TMTC2: variants seen among roughly 807,000 people sequenced by gnomAD.
TMTC2 encodes transmembrane O-mannosyltransferase targeting cadherins 2.
In TMTC2, 43 loss-of-function variants were observed where a neutral mutation model predicts 82.4. That is an observed-to-expected ratio of 0.52 (90% CI 0.41 to 0.67). TMTC2 has a LOEUF of 0.67. Ranked by LOEUF, TMTC2 falls within the 30% of genes least tolerant of loss-of-function variation. TMTC2 has a pLI of 0.00. For synonymous variants in TMTC2, 408 were observed against 381.9 expected (o/e 1.07, Z -0.80); for missense variants, 919 against 1,012.4 (o/e 0.91, Z 1.25).
At chr12:82,887,817 T>C (rs1259006497) in intron 2 of TMTC2, among the ~76,000 whole-genome samples, 1 of 152,212 alleles carries the variant, frequency 6.6e-6, no homozygotes, top group Admixed American at 6.5e-5. Context: ...TGGTGGCTCA[T>C]GCCTGTAGTC....
At chr12:83,061,576 T>C (rs968730550) in intron 10 of TMTC2, among the ~76,000 whole-genome samples, 192 bp from the exon 11 acceptor site, 1 of 151,776 alleles carries the variant, frequency 6.6e-6, no homozygotes, top group African/African-American at 2.4e-5. Context: ...GTTAAGATAC[T>C]ATTTATAATG....
chr12:82,977,347 AAT>A (rs1255675670), intron 7 of TMTC2, among the ~76,000 whole-genome samples: 2 of 151,920 alleles, frequency 1.3e-5, no homozygotes, highest in Non-Finnish European at 1.5e-5. Flanking sequence ...TAGATACTCA[AAT>A]ATTAGATGAA....
At chr12:82,914,983 G>A (rs536243457) in intron 3 of TMTC2, among the ~76,000 whole-genome samples, 21 of 151,828 alleles carry the variant, frequency 1.4e-4, no homozygotes, top group East Asian at 3.9e-4. Flanking sequence ...GCACCACCAC[G>A]CCCGGCTAAT....
intron 3 of TMTC2, among the ~76,000 whole-genome samples, chr12:82,907,409 G>C (rs890857767): frequency 2.0e-5 from 3 of 151,696 alleles, no homozygotes; most frequent in African/African-American, 7.3e-5. Context: ...GTTGCAGTTA[G>C]TTGAGATTGT....
At chr12:82,886,665 A>T (rs887417026) in intron 2 of TMTC2, among the ~76,000 whole-genome samples, 7 of 152,184 alleles carry the variant, frequency 4.6e-5, no homozygotes, top group African/African-American at 1.7e-4. Flanking sequence ...AAAACTCTTT[A>T]ATCTTGTCTG....
At chr12:82,859,968 T>G (rs932642357) in intron 2 of TMTC2, among the ~76,000 whole-genome samples, 3 of 152,036 alleles carry the variant, frequency 2.0e-5, no homozygotes, top group African/African-American at 4.8e-5. Flanking sequence ...TTTATAGATT[T>G]TTGTTGTTGT....
At position 82,945,695 on chromosome 12, in the gene TMTC2, G is replaced by A. The variant is rs374043975; in HGVS notation, c.1598+15150G>A. 2.6e-5 allele frequency among the ~76,000 whole-genome samples: 4 copies of A among 152,262 alleles called. No homozygotes were observed. The East Asian group carries it at 7.7e-4, about 29-fold the overall frequency. ...TGCTCCTGAAGAAAAATGAACAGAT[G>A]TAAATTTATTTGTGTAGTTCCAATC... On this transcript the variant is annotated intron_variant, in intron 4 of 11. Transcript: ENST00000321196.
Position 82,896,412 on chromosome 12 carries a change from T to G in TMTC2, c.1249T>G (p.Phe417Val). 6.2e-7 allele frequency: 1 copy of G among 1,614,210 alleles called. No individual in the cohort carries two copies. Among genetic ancestry groups the G allele is most frequent in the Non-Finnish European group, 8.5e-7 (1 of 1,180,030 alleles). Residue 417 changes from phenylalanine (F) to valine (V), a missense_variant, in exon 3 of 12, where the codon TTT becomes GTT. Coordinates refer to ENST00000321196, the MANE Select transcript of TMTC2 (RefSeq NM_152588.3). The stretch of plus-strand genomic sequence containing the variant: ...CACGAACCTGTTTTTCTATGTCGGC[T>G]TTGTAATTGCAGAGCGAGTATTATA... ...PATNLFFYVGFVIAERVLYIP... is the reference protein window; with the variant it reads ...PATNLFFYVGVVIAERVLYIP...
At chr12:82,721,431 T>C (rs1874200911) in intron 1 of TMTC2, among the ~76,000 whole-genome samples, 1 of 152,188 alleles carries the variant, frequency 6.6e-6, no homozygotes, top group African/African-American at 2.4e-5. Context: ...TTTTTCTTTC[T>C]GAATTAAATT....
intron 1 of TMTC2, among the ~76,000 whole-genome samples, chr12:82,824,944 C>T (rs979689938): frequency 4.6e-5 from 7 of 152,076 alleles, no homozygotes; most frequent in African/African-American, 1.7e-4. Context: ...TAAAAACTAG[C>T]TGGGCGTGGT....
At chr12:83,127,209 A>G (rs1885123572) in intron 11 of TMTC2, among the ~76,000 whole-genome samples, 1 of 152,174 alleles carries the variant, frequency 6.6e-6, no homozygotes, top group Non-Finnish European at 1.5e-5. Context: ...TAATTGAGTA[A>G]TAACTAGGTA....
intron 4 of TMTC2, among the ~76,000 whole-genome samples, chr12:82,938,056 GATACCCACCACCACACCCGGCTA>G (rs1466472995): frequency 2.0e-5 from 3 of 151,238 alleles, no homozygotes; most frequent in African/African-American, 7.3e-5. Flanking sequence ...CTGGGATACA[GATACCCACCACCACACCCGGCTA>G]ATTTTTGTAT....
At position 83,132,288 on chromosome 12, in the gene TMTC2, C is replaced by T. The variant is rs768467996; in HGVS notation, c.2410C>T (p.Arg804Trp). The change falls in exon 12 of 12, where the codon CGG becomes TGG. Residue 804 changes from arginine (R) to tryptophan (W), a missense_variant. By Grantham distance (101) the Arg-to-Trp change is moderately radical (BLOSUM62 -3). Transcript: ENST00000321196. ...RLQKAEANYL[R>W]ALQLKPDDVI... is the part of the protein sequence containing the mutation. ...CCAGAAGGCCGAGGCCAACTACCTG[C>T]GGGCCCTGCAGCTCAAGCCAGACGA... is the stretch of plus-strand genomic sequence containing the variant. 1.4e-5 allele frequency: 23 copies of T among 1,613,962 alleles called. No homozygotes were observed. Among genetic ancestry groups the T allele is most frequent in the Middle Eastern group, 1.7e-4 (1 of 6,060 alleles).
At chr12:82,743,108 A>T (rs1207301150) in intron 1 of TMTC2, among the ~76,000 whole-genome samples, 2 of 152,176 alleles carry the variant, frequency 1.3e-5, no homozygotes, top group African/African-American at 2.4e-5. Flanking sequence ...GTAAATGAGG[A>T]TAATAATACC....
At chr12:83,040,013 T>C (rs1010060299) in intron 9 of TMTC2, among the ~76,000 whole-genome samples, 1 of 152,260 alleles carries the variant, frequency 6.6e-6, no homozygotes, top group African/African-American at 2.4e-5. Flanking sequence ...ATGCTAGTGC[T>C]GTTATGACTG....
intron 1 of TMTC2, among the ~76,000 whole-genome samples, chr12:82,707,987 T>G (rs758138662): frequency 2.0e-5 from 3 of 152,166 alleles, no homozygotes; most frequent in Non-Finnish European, 4.4e-5. Context: ...AAGCATGTGT[T>G]TGTGTTGGAT....
intron 8 of TMTC2, among the ~76,000 whole-genome samples, chr12:82,997,206 C>CCTCTCTCTCTCTCTCTCT (rs202229293): frequency 2.5e-5 from 3 of 117,888 alleles, no homozygotes; most frequent in African/African-American, 1.1e-4. Flanking sequence ...TCCCCCTCTC[C>CCTCTCTCTCTCTCTCTCT]CTCTCTCTCT....
chr12:82,840,048 T>C (rs899980475), intron 1 of TMTC2, among the ~76,000 whole-genome samples: 2 of 152,166 alleles, frequency 1.3e-5, no homozygotes, highest in African/African-American at 2.4e-5. Context: ...CTGCATGCTA[T>C]ATATAGGGGT....
chr12:82,967,892 T>C (rs1188627523), intron 7 of TMTC2, among the ~76,000 whole-genome samples: 2 of 152,126 alleles, frequency 1.3e-5, no homozygotes, highest in Non-Finnish European at 2.9e-5. Context: ...TTAGACTATA[T>C]AATCTCCAGG....
Sources: gnomAD v4.1 joint callset for allele counts (sites outside exome capture counted in the v4.1 genomes callset) on GRCh38, gnomAD v4.1.1 for gene constraint, MANE v1.5 for transcripts, NCBI Gene and HGNC (gene_info 2026-07-23, HGNC 2026-07-21) for gene names.